The following C2CD2 variants were observed in gnomAD, a reference collection of about 807,000 sequenced individuals.
The protein encoded by C2CD2 is C2 calcium dependent domain containing 2, also known as C2 domain-containing protein 2.
C2CD2 carries 43 observed loss-of-function variants against 74.3 expected under a neutral mutation model. The ratio of observed to expected loss-of-function variants is 0.58; its 90% CI spans 0.45 to 0.75. C2CD2 has a LOEUF of 0.75. C2CD2 is among the 30% of genes least tolerant of loss of function. The probability of loss-of-function intolerance (pLI) is 0.00; values close to 1 mark genes in which losing one functional copy is unlikely to be tolerated. For missense variants in C2CD2, 801 were observed against 916.3 expected, an observed-to-expected ratio of 0.87 and a Z score of 1.63; for synonymous variants, 422 against 390.7, an observed-to-expected ratio of 1.08 and a Z score of -0.94.
intron 2 of C2CD2, among the ~76,000 whole-genome samples, chr21:41,932,109 C>T (rs2065267859): frequency 6.7e-6 from 1 of 148,644 alleles, no homozygotes; most frequent in Non-Finnish European, 1.5e-5. Context: ...CTAGAGGTCG[C>T]ATTCAATCAC....
chr21:41,905,574 T>A, intron 11 of C2CD2, 150 bp downstream of exon 11: 1 of 556,870 alleles, frequency 1.8e-6, no homozygotes, highest in Non-Finnish European at 3.2e-6. Context: ...CGCCTCAGCC[T>A]CCCAAAGTGC....
chr21:41,918,078 G>A, intron 5 of C2CD2, 27 bp downstream of exon 5: 3 of 1,613,582 alleles, frequency 1.9e-6, no homozygotes, highest in Non-Finnish European at 2.5e-6. Context: ...GGGTTCAGAT[G>A]CACCCACAGC....
In C2CD2 at chr21:41,942,680, A is replaced by T. The variant is rs145560240; in HGVS notation, c.280-435T>A. On this transcript the variant is annotated intron_variant, in intron 1 of 13. Coordinates refer to ENST00000380486, the MANE Select transcript of C2CD2 (RefSeq NM_015500.2). ...GGCTGTGTCCTCCCTGTTGCTAGGG[A>T]CAGTCCTCTATTCTGGTCTAGGAGA... Among the ~76,000 whole-genome samples, 55 of 152,254 alleles carry T rather than the reference A, an allele frequency of 3.6e-4. No homozygotes were observed. In the East Asian group the frequency reaches 6.4e-3, roughly 18 times the overall value.
intron 2 of C2CD2, among the ~76,000 whole-genome samples, chr21:41,935,081 G>T (rs1351328102): frequency 6.6e-6 from 1 of 152,088 alleles, no homozygotes; most frequent in African/African-American, 2.4e-5. Context: ...TAGTAGAGAC[G>T]GGGTTTCACC....
intron 1 of C2CD2, among the ~76,000 whole-genome samples, chr21:41,951,001 G>C (rs1288028283): frequency 3.3e-5 from 5 of 152,160 alleles, no homozygotes; most frequent in Non-Finnish European, 7.4e-5. Context: ...AGGCGAGAGC[G>C]GGCTTGGAGT....
chr21:41,948,902 T>TTTTTTTTTTC (rs2065427065), intron 1 of C2CD2, among the ~76,000 whole-genome samples: 4 of 143,244 alleles, frequency 2.8e-5, no homozygotes, highest in Admixed American at 1.4e-4. Flanking sequence ...TCTTTTTTTT[T>TTTTTTTTTTC]ACAAAGACCA....
rs1297681040 is a variant in C2CD2 at position 41,895,136 on chromosome 21, C to T, written c.1870+3917G>A. The T allele has an allele frequency of 2.8e-6, 1 of 354,722 alleles. No homozygotes were observed. Among genetic ancestry groups the T allele is most frequent in the Non-Finnish European group, 5.6e-6 (1 of 178,114 alleles). The allele number at this position is 354,722 out of a possible 1,614,324, so 22.0% of individuals were successfully genotyped here. The stretch of plus-strand genomic sequence containing the variant: ...GGCCTCATCCAATCAGCTGAAGGCC[C>T]TAAGAGCAAACACTGGTTTTCCAGG... On this transcript the variant is annotated intron_variant, in intron 13 of 13. Transcript: ENST00000380486. The surrounding 1 kb of genome is among the most constrained non-coding windows in gnomAD (Gnocchi z 5.0).
At chr21:41,925,321 T>TA (rs61121128) in intron 2 of C2CD2, among the ~76,000 whole-genome samples, 3,337 of 147,636 alleles carry the variant, frequency 0.023, 101 homozygotes, top group African/African-American at 0.062. Flanking sequence ...CTCCATCTCT[T>TA]AAAAAAAAAA....
intron 2 of C2CD2, among the ~76,000 whole-genome samples, chr21:41,928,931 G>A (rs7280126): frequency 0.27 from 40,459 of 151,840 alleles, 6,279 homozygotes; most frequent in Non-Finnish European, 0.34. Context: ...TCTTTTTTAT[G>A]GTGAGGATGT....
At position 41,926,175 on chromosome 21, in the gene C2CD2, C is replaced by G. The variant is rs190928988; in HGVS notation, c.379-4090G>C. Among the ~76,000 whole-genome samples, 3 of 152,214 alleles carry G rather than the reference C, an allele frequency of 2.0e-5. No homozygotes were observed. The highest frequency in any genetic ancestry group is 4.4e-5 in the Non-Finnish European group (3 of 68,040). ...CTGCATCTGCAGGAGCGAGCTCCCT[C>G]GACAACAACCAACCATCCCCCAACC... is the stretch of plus-strand genomic sequence containing the variant. On this transcript the variant is annotated intron_variant, in intron 2 of 13. Transcript: ENST00000380486. This position sits in a 1 kb window ranked among gnomAD's most constrained non-coding sequence, Gnocchi z 8.0.
chr21:41,896,710 A>AT (rs2064827029), intron 13 of C2CD2, among the ~76,000 whole-genome samples: 2 of 145,430 alleles, frequency 1.4e-5, no homozygotes, highest in Non-Finnish European at 3.0e-5. Context: ...CTTAAACCAA[A>AT]AAAAAAAAAA....
At position 41,936,675 on chromosome 21, in the gene C2CD2, C is replaced by G. The variant is rs1357404566; in HGVS notation, c.378+5472G>C. ...TTTTTTCCCACCTCTGCCACCCCTGCTACAGCATGACCAACCCCTCCTCTC... is the reference window on the plus strand; with the variant it reads ...TTTTTTCCCACCTCTGCCACCCCTGGTACAGCATGACCAACCCCTCCTCTC... On this transcript the variant is annotated intron_variant, in intron 2 of 13. Transcript: ENST00000380486. Among the ~76,000 whole-genome samples the G allele has an allele frequency of 2.6e-5, 4 of 152,268 alleles. No homozygotes were observed. In the East Asian group the frequency reaches 7.7e-4, roughly 29 times the overall value.
At chr21:41,891,749 A>G (rs8128130) in intron 13 of C2CD2, among the ~76,000 whole-genome samples, 21,418 of 152,148 alleles carry the variant, frequency 0.14, 1,556 homozygotes, top group South Asian at 0.17. Context: ...GACTGCTCCA[A>G]CGTCACCCCC....
chr21:41,909,591 G>GT (rs1167579186), intron 7 of C2CD2, 68 bp from the exon 8 acceptor site: 10 of 1,055,160 alleles, frequency 9.5e-6, no homozygotes, highest in South Asian at 8.8e-5. Context: ...GAAATAGAGT[G>GT]TTTTTTCTGA....
rs1176654508 is a variant in C2CD2, at chr21:41,926,622, C to T, written c.379-4537G>A. The T allele has an allele frequency of 3.0e-6, 3 of 984,664 alleles. No homozygotes were observed. Among genetic ancestry groups the T allele is most frequent in the Non-Finnish European group, 2.4e-6 (2 of 829,508 alleles). 61.0% of individuals were successfully genotyped at this position (984,664 alleles called of 1,614,324 possible). A position where few individuals can be genotyped will look rare whatever the true frequency, so the allele number is the denominator to read the frequency against. The stretch of plus-strand genomic sequence containing the variant: ...ACTATTCCTTTGTTTAGACTTGGGG[C>T]CAAAAAATTCCAGGCACAGTTACTC... On this transcript the variant is annotated intron_variant, in intron 2 of 13. Transcript: ENST00000380486. This position sits in a 1 kb window ranked among gnomAD's most constrained non-coding sequence, Gnocchi z 8.0.
intron 2 of C2CD2, among the ~76,000 whole-genome samples, chr21:41,922,287 T>C (rs2065163857): frequency 6.6e-6 from 1 of 151,382 alleles, no homozygotes; most frequent in Admixed American, 6.6e-5. Context: ...GCCTCCTGAG[T>C]ACATGAAACT....
intron 1 of C2CD2, 69 bp downstream of exon 1, chr21:41,953,301 G>C: frequency 8.9e-7 from 1 of 1,122,446 alleles, no homozygotes; most frequent in Non-Finnish European, 1.2e-6. Context: ...ACGCCTCCAG[G>C]AAAGACCTCG....
rs1238837460 is a variant in C2CD2, at chr21:41,914,707, A to T, written c.735T>A (p.Ala245=). 1 of 1,613,190 alleles carries T rather than the reference A, an allele frequency of 6.2e-7. No individual in the cohort carries two copies. The highest frequency in any genetic ancestry group is 2.2e-5 in the East Asian group (1 of 44,804). The stretch of plus-strand genomic sequence containing the variant: ...GACAGGATTCCTGAGCAGTAGATGC[A>T]GCACACTGTAAGTTCTGAAAAAATA... ...TVKEAQNLQC[A]ASTAQESCPP... is the part of the protein sequence containing the mutation. The change falls in exon 6 of 14, where the codon GCT becomes GCA. Residue 245 remains alanine, a synonymous_variant. Coordinates refer to ENST00000380486, the MANE Select transcript of C2CD2 (RefSeq NM_015500.2).
At chr21:41,907,254 C>T (rs976366284) in intron 9 of C2CD2, 88 bp from the exon 10 acceptor site, 10 of 1,028,740 alleles carry the variant, frequency 9.7e-6, no homozygotes, top group African/African-American at 9.5e-5. Context: ...TGTGAAATAA[C>T]CATAATTCAT....
Sources: allele counts gnomAD v4.1 joint callset (sites outside exome capture counted in the v4.1 genomes callset), GRCh38; gene constraint gnomAD v4.1.1; non-coding constraint Gnocchi (gnomAD v3.1); transcripts MANE v1.5; gene names NCBI Gene and HGNC (gene_info 2026-07-23, HGNC 2026-07-21).